Variants in PTCH1 observed in about 807,000 individuals in gnomAD.
PTCH1 encodes the protein protein patched homolog 1.
A neutral mutation model predicts 144.6 loss-of-function variants in PTCH1; 14 were observed. That is an observed-to-expected ratio of 0.10 (90% CI 0.06 to 0.15). The LOEUF is 0.15. Ranked by LOEUF, PTCH1 falls within the 10% of genes least tolerant of loss-of-function variation. PTCH1 has a pLI of 1.00. For synonymous variants in PTCH1, 833 were observed against 793.6 expected (o/e 1.05, Z -0.83); for missense variants, 1,623 against 1,948.3 (o/e 0.83, Z 3.14).
At chr9:95,468,089 A>T (rs370910435) in intron 14 of PTCH1, among the ~76,000 whole-genome samples, 1 of 151,976 alleles carries the variant, frequency 6.6e-6, no homozygotes, top group East Asian at 1.9e-4. Context: ...CTCTTTTGAG[A>T]CAGGGTCTTA....
In PTCH1 at chr9:95,449,107, C is replaced by A. The variant is rs150850039; in HGVS notation, c.3766G>T (p.Val1256Leu). 6.2e-7 allele frequency: 1 copy of A among 1,614,108 alleles called. No homozygotes were observed. The highest frequency in any genetic ancestry group is 2.2e-5 in the East Asian group (1 of 44,886). ...AAGACGGGGTTTTCTGTGGCTTCCA[C>A]GATCACTTGGTGGGCAGGGCCTCCC... The part of the protein sequence containing the change: ...GAGGPAHQVI[V>L]EATENPVFAH... Residue 1256 changes from valine to leucine, a missense_variant, in exon 22 of 24, where the codon GTG becomes TTG. Physicochemically the swap from Val to Leu is conservative, Grantham distance 32. Transcript: ENST00000331920. This position sits in a 1 kb window ranked among gnomAD's most constrained non-coding sequence, Gnocchi z 5.3.
intron 12 of PTCH1, among the ~76,000 whole-genome samples, chr9:95,471,934 G>T (rs181348837): frequency 5.4e-4 from 82 of 152,342 alleles, no homozygotes; most frequent in African/African-American, 1.7e-3. Flanking sequence ...CTACTCGGGA[G>T]GCTGAGGCAG....
chr9:95,486,593 ACCTGCTGC>A (rs1387656345), intron 2 of PTCH1, among the ~76,000 whole-genome samples: 4 of 152,226 alleles, frequency 2.6e-5, no homozygotes, highest in Non-Finnish European at 4.4e-5. Flanking sequence ...GTGACCCTGA[ACCTGCTGC>A]CCAGGCCGAG....
chr9:95,501,734 G>A (rs1022893093), intron 2 of PTCH1, among the ~76,000 whole-genome samples: 7 of 152,118 alleles, frequency 4.6e-5, no homozygotes, highest in Non-Finnish European at 7.3e-5. Flanking sequence ...ATGTTCTATC[G>A]CTGGAGAAGC....
intron 2 of PTCH1, among the ~76,000 whole-genome samples, chr9:95,499,562 A>G (rs1424297390): frequency 1.3e-5 from 2 of 151,900 alleles, no homozygotes; most frequent in Non-Finnish European, 2.9e-5. Context: ...CGAGGGGCAC[A>G]GGAAACATTA....
chr9:95,505,293 G>A (rs565294798), intron 2 of PTCH1, among the ~76,000 whole-genome samples: 2 of 152,278 alleles, frequency 1.3e-5, no homozygotes, highest in East Asian at 1.9e-4. Context: ...AATGCTCCAG[G>A]TATTTTGGTT....
intron 15 of PTCH1, among the ~76,000 whole-genome samples, chr9:95,465,972 T>C (rs1839961431): frequency 6.6e-6 from 1 of 152,224 alleles, no homozygotes; most frequent in African/African-American, 2.4e-5. Flanking sequence ...AAATTTAGAC[T>C]TTTTTTTCCC....
chr9:95,489,187 G>C (rs1458714700), intron 2 of PTCH1, among the ~76,000 whole-genome samples: 1 of 152,154 alleles, frequency 6.6e-6, no homozygotes, highest in Admixed American at 6.5e-5. Context: ...CCTAGCAAAC[G>C]CCTATCCTAA....
At position 95,468,656 on chromosome 9, in the gene PTCH1, A is replaced by T; in HGVS notation, c.2250+95T>A. ...ACTTAAACGAAATTTTTTTTTTTTT[A>T]AGGAAAAAGAAGAAAAGTAGAAGCA... On this transcript the variant is annotated intron_variant, in intron 14 of 23. Transcript: ENST00000331920. The T allele has an allele frequency of 4.0e-6, 6 of 1,485,204 alleles. No homozygotes were observed. The Admixed American group carries it at 5.9e-5, about 15-fold the overall frequency. 92.0% of individuals were successfully genotyped at this position (1,485,204 alleles called of 1,614,324 possible).
intron 2 of PTCH1, chr9:95,495,281 G>A (rs1320543171): frequency 1.3e-5 from 2 of 152,182 alleles, no homozygotes; most frequent in Non-Finnish European, 2.9e-5. Context: ...ACCAAAAAAC[G>A]GAAGGGTGGA....
intron 12 of PTCH1, among the ~76,000 whole-genome samples, chr9:95,470,525 T>C (rs1388488258): frequency 1.3e-5 from 2 of 152,234 alleles, no homozygotes; most frequent in South Asian, 4.2e-4. Context: ...TGTGTGTGAT[T>C]ATAGTACGCA....
intron 2 of PTCH1, among the ~76,000 whole-genome samples, chr9:95,503,501 T>C (rs1398048436): frequency 6.6e-6 from 1 of 152,220 alleles, no homozygotes; most frequent in Non-Finnish European, 1.5e-5. Context: ...GTTGGGTCTA[T>C]CTGCATTTAT....
At position 95,474,708 on chromosome 9, in the gene PTCH1, A is replaced by G. The variant is rs1840880870; in HGVS notation, c.1728+1326T>C. ...AGGCCTCTTGGTTACTAGCGAAATG[A>G]CATTCAAATACGTGATTGATTGGTT... On this transcript the variant is annotated intron_variant, in intron 12 of 23. Coordinates refer to ENST00000331920, the MANE Select transcript of PTCH1 (RefSeq NM_000264.5). Among the ~76,000 whole-genome samples the G allele has an allele frequency of 2.6e-5, 4 of 152,198 alleles. No individual in the cohort carries two copies. In the South Asian group the frequency reaches 8.3e-4, roughly 32 times the overall value.
At chr9:95,460,532 T>C (rs886995726) in intron 16 of PTCH1, among the ~76,000 whole-genome samples, 1 of 152,198 alleles carries the variant, frequency 6.6e-6, no homozygotes, top group African/African-American at 2.4e-5. Flanking sequence ...TTCCTCGCTT[T>C]GGGTCTTTTT....
chr9:95,467,673 G>A (rs1161891812), intron 14 of PTCH1, among the ~76,000 whole-genome samples: 1 of 151,916 alleles, frequency 6.6e-6, no homozygotes, highest in Non-Finnish European at 1.5e-5. Context: ...GTGCCATCTC[G>A]GCTCACTGTA....
At position 95,447,015 on chromosome 9, in the gene PTCH1, A is replaced by G. The variant is rs1481818673; in HGVS notation, c.4241T>C (p.Val1414Ala). 6.2e-7 allele frequency: 1 copy of G among 1,614,064 alleles called. No homozygotes were observed. Among genetic ancestry groups the G allele is most frequent in the African/African-American group, 1.3e-5 (1 of 74,932 alleles). ...CCTCTCACACCGGACGTGGAAAGGCACGTGGGGGTCCTCAAACAGGCCGTG... is the reference window on the plus strand; with the variant it reads ...CCTCTCACACCGGACGTGGAAAGGCGCGTGGGGGTCCTCAAACAGGCCGTG... ...TDHGLFEDPH[V>A]PFHVRCERRD... The change falls in exon 23 of 24, where the codon GTG becomes GCG. Residue 1414 changes from valine to alanine, a missense_variant. By Grantham distance (64) the Val-to-Ala change is moderately conservative. This residue lies in a region of PTCH1 where 291 missense variants were observed against 287.4 expected (regional missense o/e 1.01). Transcript: ENST00000331920.
chr9:95,493,383 A>T (rs1842563251), intron 2 of PTCH1, among the ~76,000 whole-genome samples: 1 of 152,230 alleles, frequency 6.6e-6, no homozygotes, highest in South Asian at 2.1e-4. Flanking sequence ...GCACCTCCGT[A>T]TGTGAGGGAC....
At chr9:95,501,453 A>G (rs1451301771) in intron 2 of PTCH1, among the ~76,000 whole-genome samples, 2 of 152,100 alleles carry the variant, frequency 1.3e-5, no homozygotes, top group Non-Finnish European at 2.9e-5. Flanking sequence ...AGAACACTGA[A>G]AGCATTAACA....
At chr9:95,467,463 C>T (rs1840117455) in intron 14 of PTCH1, 38 bp from the exon 15 acceptor site, 2 of 1,596,248 alleles carry the variant, frequency 1.3e-6, no homozygotes, top group Admixed American at 3.4e-5. Context: ...CCCCAGGGAG[C>T]ACCACTGACT....
Sources: allele counts gnomAD v4.1 joint callset (sites outside exome capture counted in the v4.1 genomes callset), GRCh38; gene constraint gnomAD v4.1.1; regional missense constraint gnomAD v4.1.1; non-coding constraint Gnocchi (gnomAD v3.1); transcripts MANE v1.5; gene names NCBI Gene and HGNC (gene_info 2026-07-23, HGNC 2026-07-21).